Variants in RHEB observed in about 807,000 individuals in gnomAD.
RHEB encodes the protein Ras homolog, mTORC1 binding, also known as GTP-binding protein Rheb.
A neutral mutation model predicts 28.8 loss-of-function variants in RHEB; 2 were observed. That is an observed-to-expected ratio of 0.07 (90% CI 0.03 to 0.22). The LOEUF is 0.22. Among genes scored for constraint, RHEB ranks in the 10% least tolerant of loss-of-function variants. RHEB has a pLI of 1.00. For synonymous variants in RHEB, 69 were observed against 77.3 expected (o/e 0.89, Z 0.56); for missense variants, 76 against 219.9 (o/e 0.35, Z 4.14).
intron 1 of RHEB, among the ~76,000 whole-genome samples, chr7:151,503,763 GAAAA>G (rs58779947): frequency 3.3e-5 from 4 of 119,582 alleles, no homozygotes; most frequent in Non-Finnish European, 7.8e-5. Context: ...TGTATTTTAT[GAAAA>G]AAAAAAAAAT....
rs533148378 is a variant in RHEB, at chr7:151,501,347, T to C, written c.53-10333A>G. Reference sequence around the variant, plus strand: ...TTCAAATGGCAAAGCACATTAAAGATGCTTTTAACATCATTATCCATTAGG... The same window carrying C: ...TTCAAATGGCAAAGCACATTAAAGACGCTTTTAACATCATTATCCATTAGG... On this transcript the variant is annotated intron_variant, in intron 1 of 7. Coordinates refer to ENST00000262187, the MANE Select transcript of RHEB (RefSeq NM_005614.4). Among the ~76,000 whole-genome samples the C allele has an allele frequency of 7.6e-4, 116 of 152,368 alleles. 2 individuals carry two copies. In the Middle Eastern group the frequency reaches 0.01, roughly 13 times the overall value.
intron 1 of RHEB, among the ~76,000 whole-genome samples, chr7:151,505,101 A>AC (rs1011896080): frequency 6.7e-6 from 1 of 149,340 alleles, no homozygotes; most frequent in African/African-American, 2.6e-5. Context: ...AAAAGTGAAA[A>AC]CAAAAAAAAA....
chr7:151,505,180 A>C (rs1212873853), intron 1 of RHEB, among the ~76,000 whole-genome samples: 7 of 148,110 alleles, frequency 4.7e-5, no homozygotes, highest in Admixed American at 2.0e-4. Context: ...AAAAAAAAAA[A>C]CGAAAAAGTG....
intron 1 of RHEB, among the ~76,000 whole-genome samples, chr7:151,518,819 C>T (rs993698319): frequency 1.3e-5 from 2 of 152,170 alleles, no homozygotes; most frequent in East Asian, 1.9e-4. Context: ...TTTTCTCTGT[C>T]TTCCTACCCA....
intron 3 of RHEB, among the ~76,000 whole-genome samples, chr7:151,483,061 T>C (rs1802405500): frequency 1.3e-5 from 2 of 152,156 alleles, no homozygotes; most frequent in Admixed American, 6.5e-5. Context: ...GCACACTGCA[T>C]CACCACCAGC....
At chr7:151,501,618 T>G (rs1802772764) in intron 1 of RHEB, among the ~76,000 whole-genome samples, 1 of 152,208 alleles carries the variant, frequency 6.6e-6, no homozygotes, top group Admixed American at 6.5e-5. Flanking sequence ...AAACGAAAAT[T>G]TATGGTCAAC....
At chr7:151,477,227 C>T (rs1436762041) in intron 4 of RHEB, 106 bp downstream of exon 4, 11 of 749,854 alleles carry the variant, frequency 1.5e-5, no homozygotes, top group Middle Eastern at 3.7e-4. Flanking sequence ...AACATGTAGC[C>T]TAATAATTCT....
At chr7:151,469,389 T>G (rs1455408042) in intron 7 of RHEB, among the ~76,000 whole-genome samples, 1 of 152,206 alleles carries the variant, frequency 6.6e-6, no homozygotes, top group Non-Finnish European at 1.5e-5. Context: ...TTCTTTCAGC[T>G]GGATGGATCC....
intron 1 of RHEB, among the ~76,000 whole-genome samples, chr7:151,507,255 C>G (rs543653738): frequency 6.6e-6 from 1 of 152,148 alleles, no homozygotes; most frequent in African/African-American, 2.4e-5. Context: ...ACACACAATG[C>G]CAATCATATG....
At chr7:151,489,325 C>T (rs576514283) in intron 2 of RHEB, among the ~76,000 whole-genome samples, 25 of 152,130 alleles carry the variant, frequency 1.6e-4, no homozygotes, top group Non-Finnish European at 3.1e-4. Context: ...GCTTGTTCAT[C>T]CAGCACTCAC....
intron 2 of RHEB, among the ~76,000 whole-genome samples, chr7:151,485,823 T>TATTA (rs1802463588): frequency 6.6e-6 from 1 of 152,118 alleles, no homozygotes; most frequent in Non-Finnish European, 1.5e-5. Context: ...CAGAGAACCA[T>TATTA]ATTAGCGTCA....
At chr7:151,497,742 G>T (rs936388661) in intron 1 of RHEB, among the ~76,000 whole-genome samples, 2 of 152,142 alleles carry the variant, frequency 1.3e-5, no homozygotes, top group Non-Finnish European at 2.9e-5. Context: ...CGTTTTCACC[G>T]GAGGAAGAGT....
chr7:151,486,884 C>T (rs1412711426), intron 2 of RHEB, among the ~76,000 whole-genome samples: 1 of 152,170 alleles, frequency 6.6e-6, no homozygotes, highest in Non-Finnish European at 1.5e-5. Flanking sequence ...GACTCCAAAG[C>T]TTCTGTAAGT....
chr7:151,481,185 T>C (rs1051465780), intron 3 of RHEB, among the ~76,000 whole-genome samples: 6 of 152,090 alleles, frequency 3.9e-5, no homozygotes, highest in Non-Finnish European at 8.8e-5. Flanking sequence ...TTAGGGTATA[T>C]GTTCTCACCC....
intron 2 of RHEB, among the ~76,000 whole-genome samples, chr7:151,486,364 A>G (rs528327535): frequency 1.3e-5 from 2 of 152,318 alleles, no homozygotes; most frequent in Admixed American, 1.3e-4. Flanking sequence ...TATCACCAGT[A>G]GCACTGTTGT....
chr7:151,503,776 A>ATT (rs34030206), intron 1 of RHEB, among the ~76,000 whole-genome samples: 6 of 151,260 alleles, frequency 4.0e-5, no homozygotes, highest in African/African-American at 1.2e-4. Flanking sequence ...AAAAAAAAAA[A>ATT]TTTTTTTAAG....
At chr7:151,500,547 C>T (rs1802755266) in intron 1 of RHEB, among the ~76,000 whole-genome samples, 1 of 152,028 alleles carries the variant, frequency 6.6e-6, no homozygotes, top group Non-Finnish European at 1.5e-5. Flanking sequence ...ATGTCAATAT[C>T]AGAAAAAATA....
chr7:151,491,459 G>C (rs1323356016), intron 1 of RHEB, among the ~76,000 whole-genome samples: 1 of 152,246 alleles, frequency 6.6e-6, no homozygotes, highest in Non-Finnish European at 1.5e-5. Flanking sequence ...AATCCGGCCA[G>C]GCACCATGGC....
chr7:151,499,401 A>C (rs549017352), intron 1 of RHEB, among the ~76,000 whole-genome samples: 1 of 152,268 alleles, frequency 6.6e-6, no homozygotes, highest in East Asian at 1.9e-4. Context: ...AGGACAGGAC[A>C]GGAAAGGAAG....
Sources: allele counts gnomAD v4.1 joint callset (sites outside exome capture counted in the v4.1 genomes callset), GRCh38; gene constraint gnomAD v4.1.1; transcripts MANE v1.5; gene names NCBI Gene and HGNC (gene_info 2026-07-23, HGNC 2026-07-21).